The following CLIP3 variants were observed in gnomAD, a reference collection of about 807,000 sequenced individuals.
CLIP3 encodes the protein CAP-Gly domain containing linker protein 3, also known as CAP-Gly domain-containing linker protein 3.
CLIP3 carries 15 observed loss-of-function variants against 59.4 expected under a neutral mutation model. That is an observed-to-expected ratio of 0.25 (90% CI 0.17 to 0.39). The LOEUF is 0.39. CLIP3 is among the 10% of genes least tolerant of loss of function. CLIP3 has a pLI of 1.00. For synonymous variants in CLIP3, 300 were observed against 321.6 expected, an observed-to-expected ratio of 0.93 and a Z score of 0.72; for missense variants, 495 against 765.7, an observed-to-expected ratio of 0.65 and a Z score of 4.17.
At position 36,016,824 on chromosome 19, in the gene CLIP3, C is replaced by T. The variant is rs2145386319; in HGVS notation, c.1589+83G>A. 2.1e-6 allele frequency: 3 copies of T among 1,406,780 alleles called. No individual in the cohort carries two copies. Among genetic ancestry groups the T allele is most frequent in the Non-Finnish European group, 3.0e-6 (3 of 1,008,036 alleles). 87.1% of individuals were successfully genotyped at this position (1,406,780 alleles called of 1,614,324 possible). On this transcript the variant is annotated intron_variant, in intron 13 of 13. Coordinates refer to ENST00000360535, the MANE Select transcript of CLIP3 (RefSeq NM_015526.3). This position sits in a 1 kb window ranked among gnomAD's most constrained non-coding sequence, Gnocchi z 4.1. ...CCTCTCTTTCCAGCCCTGACCAGAGCTCCAGACCTCTGGGTCCAACTGCCT... is the reference window on the plus strand; with the variant it reads ...CCTCTCTTTCCAGCCCTGACCAGAGTTCCAGACCTCTGGGTCCAACTGCCT...
intron 6 of CLIP3, among the ~76,000 whole-genome samples, chr19:36,024,848 T>G (rs1436508686): frequency 2.0e-5 from 3 of 151,956 alleles, no homozygotes; most frequent in African/African-American, 7.3e-5. Context: ...AGGCAGATGC[T>G]TGAGGTCAGG....
Position 36,026,047 on chromosome 19 carries a change from T to C in CLIP3, c.681+100A>G. 1.2e-6 allele frequency: 1 copy of C among 805,548 alleles called. No individual in the cohort carries two copies. The highest frequency in any genetic ancestry group is 2.1e-6 in the Non-Finnish European group (1 of 470,622). The allele number at this position is 805,548 out of a possible 1,614,324, so 49.9% of individuals were successfully genotyped here. On this transcript the variant is annotated intron_variant, in intron 6 of 13. Transcript: ENST00000360535. This position sits in a 1 kb window ranked among gnomAD's most constrained non-coding sequence, Gnocchi z 6.3. ...TTGCTGAATGTACAGACGGCATTTGTAGTATTTGGGGAGTCACGGGAAACG... is the reference window on the plus strand; with the variant it reads ...TTGCTGAATGTACAGACGGCATTTGCAGTATTTGGGGAGTCACGGGAAACG...
chr19:36,024,671 C>A, intron 6 of CLIP3, 39 bp from the exon 7 acceptor site: 2 of 1,587,070 alleles, frequency 1.3e-6, no homozygotes, highest in Non-Finnish European at 1.7e-6. Context: ...GACTCAGTGG[C>A]ACAGGTCACA....
rs1968774930 is a variant in CLIP3 at position 36,015,600 on chromosome 19, G to A, written c.*558C>T. ...TTGAGGGATAAGAACAAGGGTCTTTGTTAATGAAGGAAGTCTCTGATTGAG... is the reference window on the plus strand; with the variant it reads ...TTGAGGGATAAGAACAAGGGTCTTTATTAATGAAGGAAGTCTCTGATTGAG... On this transcript the variant is annotated 3_prime_UTR_variant, in exon 14 of 14. Transcript: ENST00000360535. 1.8e-5 allele frequency: 3 copies of A among 162,188 alleles called. No individual in the cohort carries two copies. The South Asian group carries it at 4.9e-4, about 27-fold the overall frequency. The allele number at this position is 162,188 out of a possible 1,614,324, so 10.0% of individuals were successfully genotyped here. A position where few individuals can be genotyped will look rare whatever the true frequency, so the allele number is the denominator to read the frequency against.
Position 36,026,372 on chromosome 19 carries a change from G to T in CLIP3, c.563-107C>A. 1 of 1,168,916 alleles carries T rather than the reference G, an allele frequency of 8.6e-7. No homozygotes were observed. Among genetic ancestry groups the T allele is most frequent in the Non-Finnish European group, 1.2e-6 (1 of 808,498 alleles). The allele number at this position is 1,168,916 out of a possible 1,614,324, so 72.4% of individuals were successfully genotyped here. A position where few individuals can be genotyped will look rare whatever the true frequency, so the allele number is the denominator to read the frequency against. Reference sequence around the variant, plus strand: ...ACTTGCAGGTCCCAGAGCCTCCGACGCAGAGCCCCGCCCCCACCTCGGAGC... The same window carrying T: ...ACTTGCAGGTCCCAGAGCCTCCGACTCAGAGCCCCGCCCCCACCTCGGAGC... On this transcript the variant is annotated intron_variant, in intron 5 of 13. Coordinates refer to ENST00000360535, the MANE Select transcript of CLIP3 (RefSeq NM_015526.3). The surrounding 1 kb of genome is among the most constrained non-coding windows in gnomAD (Gnocchi z 6.3).
At chr19:36,021,685 A>G (rs1410736536) in intron 7 of CLIP3, among the ~76,000 whole-genome samples, 1 of 152,118 alleles carries the variant, frequency 6.6e-6, no homozygotes, top group Non-Finnish European at 1.5e-5. Flanking sequence ...CAGCCTCCCA[A>G]AGTGCTGGGA....
chr19:36,017,249 C>T, intron 12 of CLIP3, 137 bp downstream of exon 12: 1 of 916,856 alleles, frequency 1.1e-6, no homozygotes, highest in Non-Finnish European at 1.7e-6. Flanking sequence ...TTTTGTGGAC[C>T]TTGTCTCATC....
In CLIP3 at chr19:36,026,846, G is replaced by A. The variant is rs1276865654; in HGVS notation, c.401-99C>T. 5.9e-6 allele frequency: 9 copies of A among 1,530,236 alleles called. No homozygotes were observed. Among genetic ancestry groups the A allele is most frequent in the Middle Eastern group, 2.3e-4 (1 of 4,402 alleles). The allele number at this position is 1,530,236 out of a possible 1,614,324, so 94.8% of individuals were successfully genotyped here. The stretch of plus-strand genomic sequence containing the variant: ...CTTCAGGGACTATACTTTGGGATCC[G>A]AAGCTTCGGGTTCCAGATGGGGCCT... On this transcript the variant is annotated intron_variant, in intron 4 of 13. Coordinates refer to ENST00000360535, the MANE Select transcript of CLIP3 (RefSeq NM_015526.3). The surrounding 1 kb of genome is among the most constrained non-coding windows in gnomAD (Gnocchi z 6.3).
In CLIP3 at chr19:36,032,636, G is replaced by C. The variant is rs1437595287; in HGVS notation, c.-59+88C>G. On this transcript the variant is annotated intron_variant, in intron 1 of 13. Transcript: ENST00000360535. The surrounding 1 kb of genome is among the most constrained non-coding windows in gnomAD (Gnocchi z 4.3). ...CTCCCGCGTCAGGCCCCTCAGTCGCGGCTGCCCCCTCCCCGGGTTTGTTTA... is the reference window on the plus strand; with the variant it reads ...CTCCCGCGTCAGGCCCCTCAGTCGCCGCTGCCCCCTCCCCGGGTTTGTTTA... The C allele has an allele frequency of 3.3e-6, 1 of 300,064 alleles. No homozygotes were observed. The highest frequency in any genetic ancestry group is 1.6e-4 in the South Asian group (1 of 6,176). 18.6% of individuals were successfully genotyped at this position (300,064 alleles called of 1,614,324 possible). A position where few individuals can be genotyped will look rare whatever the true frequency, so the allele number is the denominator to read the frequency against.
chr19:36,031,023 C>CT (rs55762943), intron 2 of CLIP3, among the ~76,000 whole-genome samples: 2,201 of 80,218 alleles, frequency 0.027, 116 homozygotes, highest in East Asian at 0.085. Context: ...TTTTTTTTTT[C>CT]TTTTTTTTTT....
Position 36,026,847 on chromosome 19 carries a change from A to G in CLIP3, c.401-100T>C. On this transcript the variant is annotated intron_variant, in intron 4 of 13. Coordinates refer to ENST00000360535, the MANE Select transcript of CLIP3 (RefSeq NM_015526.3). The surrounding 1 kb of genome is among the most constrained non-coding windows in gnomAD (Gnocchi z 6.3). Reference sequence around the variant, plus strand: ...TTCAGGGACTATACTTTGGGATCCGAAGCTTCGGGTTCCAGATGGGGCCTG... The same window carrying G: ...TTCAGGGACTATACTTTGGGATCCGGAGCTTCGGGTTCCAGATGGGGCCTG... 6.5e-7 allele frequency: 1 copy of G among 1,531,316 alleles called. No homozygotes were observed. Among genetic ancestry groups the G allele is most frequent in the Non-Finnish European group, 8.8e-7 (1 of 1,141,696 alleles). The allele number at this position is 1,531,316 out of a possible 1,614,324, so 94.9% of individuals were successfully genotyped here. A position where few individuals can be genotyped will look rare whatever the true frequency, so the allele number is the denominator to read the frequency against.
rs374367150 is a variant in CLIP3, at chr19:36,032,083, C to T, written c.166+109G>A. The T allele has an allele frequency of 1.5e-4, 81 of 557,598 alleles. 1 individual carries two copies. Among genetic ancestry groups the T allele is most frequent in the Admixed American group, 6.5e-4 (15 of 22,918 alleles). 34.5% of individuals were successfully genotyped at this position (557,598 alleles called of 1,614,324 possible). A position where few individuals can be genotyped will look rare whatever the true frequency, so the allele number is the denominator to read the frequency against. ...CTGCAGCCAAGATTCCTCTGGACCACCTTCAAATTCCCCAGAATTCTCCCA... is the reference window on the plus strand; with the variant it reads ...CTGCAGCCAAGATTCCTCTGGACCATCTTCAAATTCCCCAGAATTCTCCCA... On this transcript the variant is annotated intron_variant, in intron 2 of 13. Coordinates refer to ENST00000360535, the MANE Select transcript of CLIP3 (RefSeq NM_015526.3). This position sits in a 1 kb window ranked among gnomAD's most constrained non-coding sequence, Gnocchi z 4.3.
intron 7 of CLIP3, among the ~76,000 whole-genome samples, chr19:36,022,793 C>A (rs915095328): frequency 6.6e-6 from 1 of 151,950 alleles, no homozygotes; most frequent in African/African-American, 2.4e-5. Context: ...CGGTGGCTCA[C>A]GCCTGTAATC....
intron 7 of CLIP3, among the ~76,000 whole-genome samples, chr19:36,021,761 G>C (rs929020299): frequency 6.6e-6 from 1 of 152,166 alleles, no homozygotes; most frequent in Non-Finnish European, 1.5e-5. Flanking sequence ...CTTAGCTGCA[G>C]TGAGACTTTA....
In CLIP3 at chr19:36,024,504, G is replaced by A. The variant is rs45605832; in HGVS notation, c.810C>T (p.Cys270=). ...TLLEEAVPLS[C]ALPKVTLPNY... ...TGGGTAGCGTGACCTTGGGGAGGGC[G>A]CAAGATAGTGGCACTGCCTCTTCCA... The change falls in exon 7 of 14, where the codon TGC becomes TGT. Residue 270 remains cysteine, a synonymous_variant. Transcript: ENST00000360535. The A allele has an allele frequency of 7.2e-4, 1,165 of 1,614,262 alleles. 8 individuals are homozygous for A. The Middle Eastern group carries it at 0.02, about 28-fold the overall frequency.
At chr19:36,024,160 C>T (rs758347563) in intron 7 of CLIP3, among the ~76,000 whole-genome samples, 1 of 152,202 alleles carries the variant, frequency 6.6e-6, no homozygotes. Context: ...CACTCTCGGC[C>T]GTCACTGTCA....
In CLIP3 at chr19:36,017,953, A is replaced by T; in HGVS notation, c.1222T>A (p.Leu408Met). 6.2e-7 allele frequency: 1 copy of T among 1,614,108 alleles called. No individual in the cohort carries two copies. Among genetic ancestry groups the T allele is most frequent in the Non-Finnish European group, 8.5e-7 (1 of 1,180,024 alleles). The change falls in exon 10 of 14, where the codon TTG becomes ATG. Residue 408 changes from leucine (L) to methionine (M), a missense_variant. Physicochemically the swap from Leu to Met is conservative, Grantham distance 15. Transcript: ENST00000360535. ...GCCTTGGCCCCGTCACGCTGCTGCA[A>T]GCTGCCCAGAGATGGGGATGATGGG... Reference protein sequence around the residue: ...KTPSSPSLGSLQQRDGAKAEV... With the variant: ...KTPSSPSLGSMQQRDGAKAEV...
At chr19:36,031,494 G>A (rs1237982129) in intron 2 of CLIP3, among the ~76,000 whole-genome samples, 2 of 152,158 alleles carry the variant, frequency 1.3e-5, no homozygotes, top group Non-Finnish European at 1.5e-5. Context: ...AGCAGCACTC[G>A]ATAAATATCG....
At chr19:36,019,418 C>T (rs1156916986) in intron 7 of CLIP3, 112 bp from the exon 8 acceptor site, 1 of 1,276,938 alleles carries the variant, frequency 7.8e-7, no homozygotes, top group East Asian at 2.5e-5. Flanking sequence ...GGCCCAAACC[C>T]CAGGTCACAC....
Sources: allele counts gnomAD v4.1 joint callset (sites outside exome capture counted in the v4.1 genomes callset), GRCh38; gene constraint gnomAD v4.1.1; non-coding constraint Gnocchi (gnomAD v3.1); transcripts MANE v1.5; gene names NCBI Gene and HGNC (gene_info 2026-07-23, HGNC 2026-07-21).